GSTA1: variants seen among roughly 807,000 people sequenced by gnomAD.
The protein encoded by GSTA1 is glutathione S-transferase A1.
In GSTA1, 23 loss-of-function variants were observed where a neutral mutation model predicts 21.5. That is an observed-to-expected ratio of 1.07 (90% CI 0.77 to 1.52). The LOEUF is 1.52. GSTA1 is among the 40% of genes most tolerant of loss of function. GSTA1 has a pLI of 0.00. For missense variants in GSTA1, 301 were observed against 264.2 expected (o/e 1.14, Z -0.96); for synonymous variants, 125 against 90.0 (o/e 1.39, Z -2.20).
intron 3 of GSTA1, among the ~76,000 whole-genome samples, chr6:52,796,724 C>T (rs1251425051): frequency 6.7e-6 from 1 of 150,064 alleles, no homozygotes; most frequent in African/African-American, 2.5e-5. Context: ...TGTATTTTTA[C>T]AAGCAATAGG....
At chr6:52,801,795 C>T (rs1161332452) in intron 1 of GSTA1, among the ~76,000 whole-genome samples, 2 of 152,142 alleles carry the variant, frequency 1.3e-5, no homozygotes, top group Non-Finnish European at 2.9e-5. Flanking sequence ...CCTTCCGCAA[C>T]AACCCTGGGA....
At chr6:52,792,104 G>C in intron 6 of GSTA1, 124 bp from the exon 7 acceptor site, 2 of 1,390,566 alleles carry the variant, frequency 1.4e-6, no homozygotes, top group Admixed American at 4.5e-5. Context: ...CACAAGCATG[G>C]AGGCAGAAAC....
At position 52,792,935 on chromosome 6, in the gene GSTA1, G is replaced by T; in HGVS notation, c.467C>A (p.Ala156Asp). Residue 156 changes from alanine (A) to aspartate (D), a missense_variant, in exon 6 of 7, where the codon GCT becomes GAT. Transcript: ENST00000334575. ...DYLVGNKLSR[A>D]DIHLVELLYY... ...GAGAAGTTCCACCAGATGAATGTCAGCCCGGCTCAGCTTGTTGCCAACAAG... is the reference window on the plus strand; with the variant it reads ...GAGAAGTTCCACCAGATGAATGTCATCCCGGCTCAGCTTGTTGCCAACAAG... 6.2e-7 allele frequency: 1 copy of T among 1,614,116 alleles called. No homozygotes were observed. The highest frequency in any genetic ancestry group is 8.5e-7 in the Non-Finnish European group (1 of 1,179,996).
At position 52,791,589 on chromosome 6, in the gene GSTA1, C is replaced by T. The variant is rs1581791113; in HGVS notation, c.*269G>A. On this transcript the variant is annotated 3_prime_UTR_variant, in exon 7 of 7. Coordinates refer to ENST00000334575, the MANE Select transcript of GSTA1 (RefSeq NM_145740.5). ...GGAAAAGTCAAACAAACCACATAAT[C>T]TATAGTTTCCTTTTTTACTGAATTT... The T allele has an allele frequency of 2.6e-6, 1 of 379,494 alleles. No individual in the cohort carries two copies. Among genetic ancestry groups the T allele is most frequent in the Non-Finnish European group, 4.7e-6 (1 of 211,140 alleles). The allele number at this position is 379,494 out of a possible 1,614,324, so 23.5% of individuals were successfully genotyped here.
intron 1 of GSTA1, among the ~76,000 whole-genome samples, chr6:52,802,906 C>T (rs1284419174): frequency 6.6e-6 from 1 of 152,070 alleles, no homozygotes; most frequent in African/African-American, 2.4e-5. Flanking sequence ...ATTCACTAAT[C>T]AGTCCACCTG....
chr6:52,799,382 A>G, intron 1 of GSTA1, 85 bp from the exon 2 acceptor site: 1 of 829,278 alleles, frequency 1.2e-6, no homozygotes, highest in Non-Finnish European at 1.9e-6. Flanking sequence ...ACCACCAACA[A>G]TACTGAAGAA....
At position 52,796,146 on chromosome 6, in the gene GSTA1, T is replaced by G. The variant is rs199617617; in HGVS notation, c.272+36A>C. The stretch of plus-strand genomic sequence containing the variant: ...AAGGAAGGACCTAAATCACTCTGTG[T>G]TCTCTGTGGATGGAAGAACAGAAAA... On this transcript the variant is annotated intron_variant, in intron 4 of 6. Coordinates refer to ENST00000334575, the MANE Select transcript of GSTA1 (RefSeq NM_145740.5). 2.4e-5 allele frequency: 38 copies of G among 1,611,576 alleles called. No individual in the cohort carries two copies. The East Asian group carries it at 8.5e-4, about 36-fold the overall frequency.
At chr6:52,800,382 A>G (rs1763686974) in intron 1 of GSTA1, among the ~76,000 whole-genome samples, 1 of 152,238 alleles carries the variant, frequency 6.6e-6, no homozygotes, top group South Asian at 2.1e-4. Flanking sequence ...ATCTTTCAGT[A>G]GATTGTGAAA....
rs1052004 is a variant in GSTA1, at chr6:52,791,845, C to T, written c.*13G>A. ...ATTGGTATTGCAAGTTCTTGGCCTCCATGACTGCGTTATTAAAACCTGAAA... is the reference window on the plus strand; with the variant it reads ...ATTGGTATTGCAAGTTCTTGGCCTCTATGACTGCGTTATTAAAACCTGAAA... On this transcript the variant is annotated 3_prime_UTR_variant, in exon 7 of 7. Transcript: ENST00000334575. The T allele has an allele frequency of 4.3e-6, 7 of 1,613,952 alleles. No homozygotes were observed. Among genetic ancestry groups the T allele is most frequent in the Non-Finnish European group, 5.9e-6 (7 of 1,179,884 alleles).
At chr6:52,792,628 A>G in intron 6 of GSTA1, 1 of 1,137,124 alleles carries the variant, frequency 8.8e-7, no homozygotes, top group Non-Finnish European at 1.2e-6. Context: ...TCTTTCCATA[A>G]TAAAGGGCAA....
intron 5 of GSTA1, 138 bp downstream of exon 5, chr6:52,793,987 C>G (rs1226361512): frequency 2.0e-6 from 2 of 999,634 alleles, no homozygotes; most frequent in East Asian, 4.9e-5. Flanking sequence ...TCATAAAATG[C>G]CTTGAGAGTC....
At chr6:52,796,619 C>T (rs528658058) in intron 3 of GSTA1, among the ~76,000 whole-genome samples, 1 of 144,496 alleles carries the variant, frequency 6.9e-6, no homozygotes, top group African/African-American at 2.6e-5. Context: ...TCTTGGCTCA[C>T]TGTAACTTCT....
At chr6:52,802,290 G>T (rs535821974) in intron 1 of GSTA1, among the ~76,000 whole-genome samples, 7 of 152,208 alleles carry the variant, frequency 4.6e-5, no homozygotes, top group South Asian at 2.1e-4. Context: ...TCTCTGAGGT[G>T]GTCCCAATGA....
At chr6:52,801,744 C>T (rs1295959678) in intron 1 of GSTA1, among the ~76,000 whole-genome samples, 5 of 152,188 alleles carry the variant, frequency 3.3e-5, no homozygotes, top group Admixed American at 6.5e-5. Context: ...GTCACACACA[C>T]ATGCTCCTCA....
chr6:52,795,237 T>C (rs1205336820), intron 4 of GSTA1, among the ~76,000 whole-genome samples: 1 of 152,200 alleles, frequency 6.6e-6, no homozygotes, highest in Non-Finnish European at 1.5e-5. Flanking sequence ...CTTCTGTGTC[T>C]TGTTTCTTTT....
intron 3 of GSTA1, among the ~76,000 whole-genome samples, chr6:52,797,047 TA>T (rs1220690978): frequency 6.6e-6 from 1 of 152,196 alleles, no homozygotes; most frequent in East Asian, 1.9e-4. Flanking sequence ...AGATGCCATT[TA>T]AAACAGGAAG....
At chr6:52,802,668 GTAT>G (rs1211207250) in intron 1 of GSTA1, among the ~76,000 whole-genome samples, 11 of 152,040 alleles carry the variant, frequency 7.2e-5, no homozygotes, top group African/African-American at 2.7e-4. Flanking sequence ...ATCCATGTAT[GTAT>G]TATTTTATCT....
chr6:52,800,701 G>GA (rs1449167939), intron 1 of GSTA1, among the ~76,000 whole-genome samples: 1 of 152,164 alleles, frequency 6.6e-6, no homozygotes, highest in Non-Finnish European at 1.5e-5. Flanking sequence ...TCATGAATGT[G>GA]AATGGAAGGG....
chr6:52,795,243 C>A (rs4715328), intron 4 of GSTA1, among the ~76,000 whole-genome samples: 1 of 152,116 alleles, frequency 6.6e-6, no homozygotes, highest in Non-Finnish European at 1.5e-5. Context: ...TGTCTTGTTT[C>A]TTTTATGTAA....
Sources: gnomAD v4.1 joint callset for allele counts (sites outside exome capture counted in the v4.1 genomes callset) on GRCh38, gnomAD v4.1.1 for gene constraint, MANE v1.5 for transcripts, NCBI Gene and HGNC (gene_info 2026-07-23, HGNC 2026-07-21) for gene names.